The following NBAS variants were observed in gnomAD, a reference collection of about 807,000 sequenced individuals.
The protein encoded by NBAS is NBAS subunit of NRZ tethering complex, also known as NAG/BC035112 fusion.
NBAS carries 219 observed loss-of-function variants against 302.5 expected under a neutral mutation model. The ratio of observed to expected loss-of-function variants is 0.72; its 90% CI spans 0.65 to 0.81. The LOEUF is 0.81. NBAS is among the 30% of genes least tolerant of loss of function. The pLI, the probability that NBAS is intolerant of heterozygous loss-of-function variation, is 0.00. For missense variants in NBAS, 2,932 were observed against 2,841.6 expected, an observed-to-expected ratio of 1.03 and a Z score of -0.72; for synonymous variants, 1,118 against 1,021.6, an observed-to-expected ratio of 1.09 and a Z score of -1.80.
chr2:14,920,531 A>C, the NBAS span, among the ~76,000 whole-genome samples: 2 of 152,180 alleles, frequency 1.3e-5, no homozygotes, highest in Non-Finnish European at 2.9e-5. Context: ...GGAAAGTCTT[A>C]GATAGTATCA....
At chr2:15,083,089 T>G in the NBAS span, among the ~76,000 whole-genome samples, 1 of 152,218 alleles carries the variant, frequency 6.6e-6, no homozygotes, top group Non-Finnish European at 1.5e-5. Context: ...AAAGCAGCTA[T>G]GTGCAGGATG....
chr2:14,798,787 T>A, the NBAS span, among the ~76,000 whole-genome samples: 1 of 152,118 alleles, frequency 6.6e-6, no homozygotes, highest in Non-Finnish European at 1.5e-5. Context: ...TACTTCTTCC[T>A]GAATGAGATG....
the NBAS span, among the ~76,000 whole-genome samples, chr2:15,055,348 C>T: frequency 6.6e-6 from 1 of 152,184 alleles, no homozygotes; most frequent in East Asian, 1.9e-4. Context: ...CTTTGCAATA[C>T]AGTGGGTGAG....
At position 15,556,920 on chromosome 2, in the gene NBAS, G is replaced by C. The variant is rs564707429; in HGVS notation, c.173-101C>G. The C allele has an allele frequency of 3.3e-6, 3 of 906,460 alleles. No homozygotes were observed. The South Asian group carries it at 4.4e-5, about 13-fold the overall frequency. The allele number at this position is 906,460 out of a possible 1,614,324, so 56.2% of individuals were successfully genotyped here. A position where few individuals can be genotyped will look rare whatever the true frequency, so the allele number is the denominator to read the frequency against. On this transcript the variant is annotated intron_variant, in intron 2 of 51. Transcript: ENST00000281513. ...AGAAATCTAAAATATACTACAGAGCGAGTCATTAAAAAAAATAAAGAACTC... is the reference window on the plus strand; with the variant it reads ...AGAAATCTAAAATATACTACAGAGCCAGTCATTAAAAAAAATAAAGAACTC...
intron 40 of NBAS, among the ~76,000 whole-genome samples, chr2:15,299,951 T>C (rs1421600969): frequency 1.3e-5 from 2 of 152,236 alleles, no homozygotes; most frequent in African/African-American, 4.8e-5. Context: ...AAAAATGAGT[T>C]AATTAGAACA....
At chr2:15,230,154 T>C (rs1178307287) in intron 47 of NBAS, among the ~76,000 whole-genome samples, 1 of 152,076 alleles carries the variant, frequency 6.6e-6, no homozygotes, top group Non-Finnish European at 1.5e-5. Flanking sequence ...TGTCATGTCA[T>C]GCCAAGGAAT....
the NBAS span, among the ~76,000 whole-genome samples, chr2:15,028,188 A>T: frequency 1.3e-5 from 2 of 152,184 alleles, no homozygotes; most frequent in Non-Finnish European, 2.9e-5. Context: ...CTGCATTTTA[A>T]CTGACTTTTA....
At chr2:15,000,683 C>T in the NBAS span, among the ~76,000 whole-genome samples, 262 of 152,156 alleles carry the variant, frequency 1.7e-3, 5 homozygotes, top group Non-Finnish European at 2.6e-3. Flanking sequence ...TATTTAATAC[C>T]GAGAGGTGAA....
At chr2:15,219,077 G>GT (rs1229665218) in intron 47 of NBAS, 109 bp from the exon 48 acceptor site, 7 of 1,370,076 alleles carry the variant, frequency 5.1e-6, no homozygotes, top group East Asian at 4.9e-5. Context: ...GGATGACTTC[G>GT]TTTTTTTCCT....
chr2:15,414,946 A>G (rs1188148649), intron 25 of NBAS, among the ~76,000 whole-genome samples: 5 of 152,206 alleles, frequency 3.3e-5, no homozygotes, highest in African/African-American at 1.2e-4. Flanking sequence ...CTCTGTCTCA[A>G]AAAAAGAAAA....
At chr2:15,168,148 C>T (rs975993619) in intron 51 of NBAS, among the ~76,000 whole-genome samples, 5 of 152,194 alleles carry the variant, frequency 3.3e-5, no homozygotes, top group African/African-American at 7.2e-5. Flanking sequence ...TTCTCACTTA[C>T]ATTGGGGTAT....
intron 48 of NBAS, among the ~76,000 whole-genome samples, chr2:15,216,261 A>G (rs1225691865): frequency 6.6e-6 from 1 of 152,196 alleles, no homozygotes; most frequent in Non-Finnish European, 1.5e-5. Context: ...TACCAAGAAC[A>G]GGGAAAATGC....
chr2:15,320,636 C>T (rs1397027979), intron 38 of NBAS, among the ~76,000 whole-genome samples: 7 of 151,608 alleles, frequency 4.6e-5, no homozygotes, highest in African/African-American at 1.7e-4. Flanking sequence ...CATGAATGAA[C>T]TCCCATTCAC....
the NBAS span, among the ~76,000 whole-genome samples, chr2:15,105,016 T>C: frequency 6.6e-6 from 1 of 151,900 alleles, no homozygotes; most frequent in Non-Finnish European, 1.5e-5. Flanking sequence ...CAAATGTCCA[T>C]CAATGACAGA....
the NBAS span, among the ~76,000 whole-genome samples, chr2:15,066,228 A>C: frequency 1.3e-5 from 2 of 152,208 alleles, no homozygotes; most frequent in African/African-American, 4.8e-5. Flanking sequence ...ACATAAAAGT[A>C]AAGTCAAAAT....
At chr2:15,159,385 CT>C in the NBAS span, among the ~76,000 whole-genome samples, 1 of 152,218 alleles carries the variant, frequency 6.6e-6, no homozygotes, top group African/African-American at 2.4e-5. Flanking sequence ...ATGCTGACTA[CT>C]GCTCAAAAAC....
chr2:15,270,175 A>G (rs1451990093), intron 44 of NBAS, among the ~76,000 whole-genome samples: 1 of 152,114 alleles, frequency 6.6e-6, no homozygotes, highest in African/African-American at 2.4e-5. Flanking sequence ...TAAGTTTAAA[A>G]TTTTGTCTTT....
intron 44 of NBAS, among the ~76,000 whole-genome samples, chr2:15,272,801 T>C (rs771057461): frequency 7.2e-5 from 11 of 152,220 alleles, no homozygotes; most frequent in Non-Finnish European, 1.6e-4. Flanking sequence ...CCCAACAAAA[T>C]ACACATATGT....
intron 23 of NBAS, among the ~76,000 whole-genome samples, chr2:15,420,115 T>C (rs1677141197): frequency 6.6e-6 from 1 of 152,104 alleles, no homozygotes; most frequent in Non-Finnish European, 1.5e-5. Context: ...GTAATAACAG[T>C]AGCACGCTGG....
Sources: allele counts gnomAD v4.1 joint callset (sites outside exome capture counted in the v4.1 genomes callset), GRCh38; gene constraint gnomAD v4.1.1; transcripts MANE v1.5; gene names NCBI Gene and HGNC (gene_info 2026-07-23, HGNC 2026-07-21).